Variants in FUT8 observed in about 807,000 individuals in gnomAD.
The protein encoded by FUT8 is fucosyltransferase 8.
A neutral mutation model predicts 71.3 loss-of-function variants in FUT8; 29 were observed. The observed-to-expected ratio is 0.41, with a 90% CI of 0.30 to 0.55. The LOEUF (loss-of-function observed/expected upper bound fraction) is 0.55, where lower values mean the gene tolerates loss of function less well. Ranked by LOEUF, FUT8 falls within the 20% of genes least tolerant of loss-of-function variation. The pLI, the probability that FUT8 is intolerant of heterozygous loss-of-function variation, is 0.34. For synonymous variants in FUT8, 254 were observed against 239.3 expected (o/e 1.06, Z -0.57); for missense variants, 544 against 702.1 (o/e 0.77, Z 2.55).
chr14:65,693,333 C>T lies in FUT8; in HGVS notation c.835+23853C>T, dbSNP rs559513246. ...CAGCCCAGCCAACACAGCGAAACCC[C>T]GTCTCCACCAAAAAAATACGAAAAC... On this transcript the variant is annotated intron_variant, in intron 7 of 10. Coordinates refer to ENST00000673929, the MANE Select transcript of FUT8 (RefSeq NM_001371533.1). Among the ~76,000 whole-genome samples the T allele has an allele frequency of 3.8e-3, 579 of 152,282 alleles. 1 individual carries two copies. The highest frequency in any genetic ancestry group is 0.013 in the African/African-American group (540 of 41,586).
chr14:65,464,289 A>G (rs2066010159), intron 2 of FUT8, among the ~76,000 whole-genome samples: 1 of 120,134 alleles, frequency 8.3e-6, no homozygotes, highest in African/African-American at 3.2e-5. Flanking sequence ...TACATAGATG[A>G]TCATGTCATC....
chr14:65,684,215 A>G (rs1012312355), intron 7 of FUT8, among the ~76,000 whole-genome samples: 1 of 152,048 alleles, frequency 6.6e-6, no homozygotes, highest in Admixed American at 6.6e-5. Flanking sequence ...ATTCCTCTGT[A>G]TTTTAGTAGT....
rs114466506 is a variant in FUT8, at chr14:65,686,123, A to G, written c.835+16643A>G. On this transcript the variant is annotated intron_variant, in intron 7 of 10. Coordinates refer to ENST00000673929, the MANE Select transcript of FUT8 (RefSeq NM_001371533.1). ...GTGAACAGAGGCCACAGAAATGATG[A>G]GCAGTCTACCTACCATGTGGAGAAG... Among the ~76,000 whole-genome samples the G allele has an allele frequency of 1.0e-3, 156 of 152,276 alleles. 1 individual carries two copies. The highest frequency in any genetic ancestry group is 3.6e-3 in the African/African-American group (149 of 41,558).
chr14:65,735,819 T>C (rs538189915), intron 10 of FUT8, among the ~76,000 whole-genome samples: 1 of 152,324 alleles, frequency 6.6e-6, no homozygotes, highest in East Asian at 1.9e-4. Flanking sequence ...CAAATATTTT[T>C]AGTAAAGAAG....
chr14:65,401,766 A>G, the FUT8 span, among the ~76,000 whole-genome samples: 1 of 151,900 alleles, frequency 6.6e-6, no homozygotes, highest in East Asian at 1.9e-4. Context: ...GGTGGTGTAC[A>G]CCTGTAATCC....
intron 7 of FUT8, among the ~76,000 whole-genome samples, chr14:65,692,051 T>C (rs1430338567): frequency 2.6e-5 from 4 of 151,492 alleles, no homozygotes; most frequent in Non-Finnish European, 4.4e-5. Context: ...TTTCCCCACC[T>C]TTCCCCCCTT....
At chr14:65,497,760 T>C (rs1419264616) in intron 2 of FUT8, among the ~76,000 whole-genome samples, 1 of 152,092 alleles carries the variant, frequency 6.6e-6, no homozygotes, top group Non-Finnish European at 1.5e-5. Context: ...AATATATCAT[T>C]TTATTCAGTT....
intron 2 of FUT8, among the ~76,000 whole-genome samples, chr14:65,534,287 T>C (rs1884145086): frequency 6.6e-6 from 1 of 151,802 alleles, no homozygotes; most frequent in South Asian, 2.1e-4. Context: ...CATGCCTGGC[T>C]AATTTTTATT....
intron 2 of FUT8, among the ~76,000 whole-genome samples, chr14:65,465,183 T>G (rs1225984847): frequency 6.6e-6 from 1 of 152,220 alleles, no homozygotes; most frequent in African/African-American, 2.4e-5. Flanking sequence ...TGTTGTTTTC[T>G]TCTGCTTCCT....
At chr14:65,382,003 T>C in the FUT8 span, among the ~76,000 whole-genome samples, 2 of 152,226 alleles carry the variant, frequency 1.3e-5, no homozygotes, top group Non-Finnish European at 1.5e-5. Flanking sequence ...CTGCAAGTAC[T>C]AAAACTGTGT....
rs1389235289 is a variant in FUT8, at chr14:65,467,447, A to C, written c.-228+11729A>C. Among the ~76,000 whole-genome samples the C allele has an allele frequency of 6.6e-6, 1 of 151,264 alleles. No homozygotes were observed. Among genetic ancestry groups the C allele is most frequent in the Non-Finnish European group, 1.5e-5 (1 of 67,790 alleles). On this transcript the variant is annotated intron_variant, in intron 2 of 10. Coordinates refer to ENST00000673929, the MANE Select transcript of FUT8 (RefSeq NM_001371533.1). This position sits in a 1 kb window ranked among gnomAD's most constrained non-coding sequence, Gnocchi z 4.1. ...TAAGTAGCTGGGACTACAGGTGCGC[A>C]CCACCACACCTGGCTAATTTTTTGT... is the stretch of plus-strand genomic sequence containing the variant.
Position 65,742,290 on chromosome 14 carries a change from G to A in FUT8, c.1608G>A (p.Trp536Ter), listed in dbSNP as rs1471288247. 1 of 1,613,004 alleles carries A rather than the reference G, an allele frequency of 6.2e-7. No homozygotes were observed. Among genetic ancestry groups the A allele is most frequent in the Admixed American group, 1.7e-5 (1 of 59,854 alleles). The part of the protein sequence containing the change: ...GDIIGVAGNH[W>*]DGYSKGVNRK... ...TCATTGGTGTGGCTGGAAATCATTGGGATGGCTATTCTAAAGGTGTCAACA... is the reference window on the plus strand; with the variant it reads ...TCATTGGTGTGGCTGGAAATCATTGAGATGGCTATTCTAAAGGTGTCAACA... The change falls in exon 11 of 11, where the codon TGG (tryptophan) becomes TGA (stop). Residue 536 changes from tryptophan to a stop codon, truncating the protein, a stop_gained. Transcript: ENST00000673929. LOFTEE classifies it high-confidence loss of function.
chr14:65,733,474 T>C lies in FUT8; in HGVS notation c.1410+93T>C. On this transcript the variant is annotated intron_variant, in intron 10 of 10. Coordinates refer to ENST00000673929, the MANE Select transcript of FUT8 (RefSeq NM_001371533.1). ...TTGTGTGTCTATGTGTTGTTAATGTTCATTATTGTGACTCAGGTGCAATTT... is the reference window on the plus strand; with the variant it reads ...TTGTGTGTCTATGTGTTGTTAATGTCCATTATTGTGACTCAGGTGCAATTT... 3.2e-6 allele frequency: 3 copies of C among 923,458 alleles called. No individual in the cohort carries two copies. The South Asian group carries it at 7.6e-5, about 23-fold the overall frequency. 57.2% of individuals were successfully genotyped at this position (923,458 alleles called of 1,614,324 possible).
At chr14:65,589,161 G>A (rs553880546) in intron 3 of FUT8, among the ~76,000 whole-genome samples, 1 of 152,276 alleles carries the variant, frequency 6.6e-6, no homozygotes, top group African/African-American at 2.4e-5. Flanking sequence ...AATGGGTACT[G>A]CTTCTTTGTT....
rs114543588 is a variant in FUT8 at position 65,520,553 on chromosome 14, G to A, written c.-227-40784G>A. Among the ~76,000 whole-genome samples, 1,271 of 151,842 alleles carry A rather than the reference G, an allele frequency of 8.4e-3. 18 individuals carry two copies. The highest frequency in any genetic ancestry group is 0.029 in the African/African-American group (1,217 of 41,420). Reference sequence around the variant, plus strand: ...GAAAAATTAATGAACTAATCAAAATGTTCCATTCTATACATAGTTTGCTCA... The same window carrying A: ...GAAAAATTAATGAACTAATCAAAATATTCCATTCTATACATAGTTTGCTCA... On this transcript the variant is annotated intron_variant, in intron 2 of 10. Coordinates refer to ENST00000673929, the MANE Select transcript of FUT8 (RefSeq NM_001371533.1).
At chr14:65,505,914 G>C (rs1286836732) in intron 2 of FUT8, among the ~76,000 whole-genome samples, 2 of 151,956 alleles carry the variant, frequency 1.3e-5, no homozygotes, top group Admixed American at 1.3e-4. Context: ...CAACTCTGTA[G>C]CTATCCTCTG....
At chr14:65,474,998 G>A (rs1329659675) in intron 2 of FUT8, among the ~76,000 whole-genome samples, 2 of 152,126 alleles carry the variant, frequency 1.3e-5, no homozygotes, top group Non-Finnish European at 2.9e-5. Context: ...TGGAAGACAG[G>A]ATTTTTTTGG....
At chr14:65,626,223 A>T (rs1255349280) in intron 5 of FUT8, among the ~76,000 whole-genome samples, 1 of 110,890 alleles carries the variant, frequency 9.0e-6, no homozygotes, top group Non-Finnish European at 1.8e-5. Flanking sequence ...CTCTAGCATT[A>T]AAAAAAAAAA....
In FUT8 at chr14:65,467,952, T is replaced by C; in HGVS notation, c.-228+12234T>C. On this transcript the variant is annotated intron_variant, in intron 2 of 10. Coordinates refer to ENST00000673929, the MANE Select transcript of FUT8 (RefSeq NM_001371533.1). The surrounding 1 kb of genome is among the most constrained non-coding windows in gnomAD (Gnocchi z 4.1). ...CTCTTTGGCTTCTTTCTTTTTCCGA[T>C]CATTTTCCTTTACGTGTTTCAGGAA... 1 of 729,108 alleles carries C rather than the reference T, an allele frequency of 1.4e-6. No homozygotes were observed. Among genetic ancestry groups the C allele is most frequent in the South Asian group, 1.4e-5 (1 of 72,084 alleles). The allele number at this position is 729,108 out of a possible 1,614,324, so 45.2% of individuals were successfully genotyped here.
Sources: allele counts gnomAD v4.1 joint callset (sites outside exome capture counted in the v4.1 genomes callset), GRCh38; gene constraint gnomAD v4.1.1; non-coding constraint Gnocchi (gnomAD v3.1); transcripts MANE v1.5; gene names NCBI Gene and HGNC (gene_info 2026-07-23, HGNC 2026-07-21).